Variants in TACC1 observed in about 807,000 individuals in gnomAD.
TACC1 encodes the protein transforming acidic coiled-coil-containing protein 1.
Under a neutral mutation model 84.4 loss-of-function variants are expected in TACC1, and 48 were observed. That is an observed-to-expected ratio of 0.57 (90% confidence interval 0.45 to 0.72). The LOEUF (loss-of-function observed/expected upper bound fraction) is 0.72. Among genes scored for constraint, TACC1 ranks in the 30% least tolerant of loss-of-function variants. The pLI is 0.00. For synonymous variants in TACC1, 372 were observed against 376.3 expected (o/e 0.99, Z 0.13); for missense variants, 920 against 973.0 (o/e 0.95, Z 0.72).
At chr8:38,755,159 C>CAAAAAAAAAAAAA (rs35992046) in intron 3 of TACC1, among the ~76,000 whole-genome samples, 2 of 72,350 alleles carry the variant, frequency 2.8e-5, no homozygotes, top group Non-Finnish European at 5.3e-5. Context: ...GACTCCATCT[C>CAAAAAAAAAAAAA]AAAAAAAAAA....
At chr8:38,772,983 A>G (rs1416335517) in intron 3 of TACC1, among the ~76,000 whole-genome samples, 2 of 152,190 alleles carry the variant, frequency 1.3e-5, no homozygotes, top group Non-Finnish European at 2.9e-5. Context: ...TGTTGTATTA[A>G]TACTTAACCT....
upstream of TACC1, among the ~76,000 whole-genome samples, chr8:38,786,870 T>TA (rs1817266006): frequency 6.6e-6 from 1 of 151,544 alleles, no homozygotes; most frequent in Non-Finnish European, 1.5e-5. Context: ...TGCAGTCCAA[T>TA]ATCACCATCG....
upstream of TACC1, among the ~76,000 whole-genome samples, chr8:38,785,092 C>G (rs1256558902): frequency 7.6e-6 from 1 of 131,078 alleles, no homozygotes; most frequent in Non-Finnish European, 1.6e-5. Context: ...GAGCTAAGTG[C>G]TGAAGGACGT....
chr8:38,827,001 T>C (rs1828220019), intron 4 of TACC1, among the ~76,000 whole-genome samples, 167 bp from the exon 5 acceptor site: 1 of 152,224 alleles, frequency 6.6e-6, no homozygotes, highest in South Asian at 2.1e-4. Flanking sequence ...AAACAGCATC[T>C]CACAATTGAA....
At chr8:38,844,196 G>A (rs906654298) in intron 11 of TACC1, among the ~76,000 whole-genome samples, 5 of 151,794 alleles carry the variant, frequency 3.3e-5, no homozygotes, top group Non-Finnish European at 5.9e-5. Context: ...TTTTTGAGAC[G>A]GAGTTTCTCT....
At position 38,851,657 on chromosome 8, in the gene TACC1, A is replaced by T. The variant is rs549553285; in HGVS notation, c.*3634A>T. ...CTCTGACTGTTGTCTCTTTGTGGTC[A>T]TGTGATTGTGAGCTTGCTTTCTGAC... is the stretch of plus-strand genomic sequence containing the variant. On this transcript the variant is annotated 3_prime_UTR_variant, in exon 13 of 13. Coordinates refer to ENST00000317827, the MANE Select transcript of TACC1 (RefSeq NM_006283.3). The T allele has an allele frequency of 2.6e-4, 74 of 283,836 alleles. No homozygotes were observed. Among genetic ancestry groups the T allele is most frequent in the Non-Finnish European group, 4.7e-4 (66 of 140,066 alleles). 17.6% of individuals were successfully genotyped at this position (283,836 alleles called of 1,614,324 possible).
chr8:38,810,810 A>G (rs144076561), intron 2 of TACC1, among the ~76,000 whole-genome samples: 1 of 152,080 alleles, frequency 6.6e-6, no homozygotes, highest in Admixed American at 6.5e-5. Flanking sequence ...CTTATTCAAC[A>G]TCTCTGCTTC....
chr8:38,732,321 TC>T (rs1369428624), intron 1 of TACC1, among the ~76,000 whole-genome samples: 1 of 151,950 alleles, frequency 6.6e-6, no homozygotes, highest in Admixed American at 6.6e-5. Context: ...GTTTTTTTTT[TC>T]AATGCCATCT....
intron 1 of TACC1, among the ~76,000 whole-genome samples, chr8:38,737,503 A>C (rs1806195191): frequency 6.6e-6 from 1 of 152,118 alleles, no homozygotes; most frequent in South Asian, 2.1e-4. Flanking sequence ...GGGGAGCAGC[A>C]GTGCTTAGTG....
chr8:38,819,510 G>T lies in TACC1; in HGVS notation c.278-12G>T. On this transcript the variant is annotated splice_polypyrimidine_tract_variant and intron_variant, in intron 2 of 12. Coordinates refer to ENST00000317827, the MANE Select transcript of TACC1 (RefSeq NM_006283.3). ...TAATTCTTTAATAGATGGTTTTTGT[G>T]TTTCATTTTAGAATCACAAGAAGCT... is the stretch of plus-strand genomic sequence containing the variant. The T allele has an allele frequency of 6.3e-7, 1 of 1,590,576 alleles. No homozygotes were observed. Among genetic ancestry groups the T allele is most frequent in the African/African-American group, 1.4e-5 (1 of 73,762 alleles).
chr8:38,741,843 A>T (rs958372439), intron 1 of TACC1, among the ~76,000 whole-genome samples: 4 of 152,212 alleles, frequency 2.6e-5, no homozygotes, highest in Non-Finnish European at 5.9e-5. Context: ...GGTAGACTCT[A>T]TCTCTGCCAG....
At chr8:38,769,301 T>C (rs1812967581) in intron 3 of TACC1, among the ~76,000 whole-genome samples, 1 of 140,516 alleles carries the variant, frequency 7.1e-6, no homozygotes, top group South Asian at 2.4e-4. Context: ...TGTAAGACTG[T>C]GTATGGTGGG....
Position 38,819,572 on chromosome 8 carries a change from T to G in TACC1, c.328T>G (p.Ser110Ala). 1 of 1,613,550 alleles carries G rather than the reference T, an allele frequency of 6.2e-7. No homozygotes were observed. Among genetic ancestry groups the G allele is most frequent in the Non-Finnish European group, 8.5e-7 (1 of 1,179,494 alleles). ...QLVAEVVEKC[S>A]SKTCSKPSEN... Reference sequence around the variant, plus strand: ...TGTAGCAGAAGTGGTTGAAAAATGTTCATCTAAGACTTGTTCTAAACCTTC... The same window carrying G: ...TGTAGCAGAAGTGGTTGAAAAATGTGCATCTAAGACTTGTTCTAAACCTTC... Residue 110 changes from serine to alanine, a missense_variant, in exon 3 of 13, where the codon TCA becomes GCA. Ser to Ala is a moderately conservative substitution (Grantham distance 99, BLOSUM62 1). This residue lies in a region of TACC1 where 762 missense variants were observed against 747.3 expected (regional missense o/e 1.02). Transcript: ENST00000317827.
At chr8:38,812,513 C>CCCTTGCAAATGAA (rs1824453122) in intron 2 of TACC1, among the ~76,000 whole-genome samples, 2 of 152,186 alleles carry the variant, frequency 1.3e-5, no homozygotes, top group African/African-American at 4.8e-5. Flanking sequence ...TCCCCCAATA[C>CCCTTGCAAATGAA]TTCCTATTCA....
chr8:38,846,495 A>T, intron 11 of TACC1: 1 of 519,042 alleles, frequency 1.9e-6, no homozygotes. Context: ...GTGAGATACA[A>T]ATTTTGAAGT....
intron 2 of TACC1, among the ~76,000 whole-genome samples, chr8:38,743,292 T>TTGAATGAA (rs3076913): frequency 0.054 from 8,139 of 151,018 alleles, 279 homozygotes; most frequent in Non-Finnish European, 0.082. Flanking sequence ...TATATATTTG[T>TTGAATGAA]TGAATGAATG....
intron 6 of TACC1, among the ~76,000 whole-genome samples, chr8:38,835,582 G>T (rs1005404898): frequency 1.3e-5 from 2 of 152,234 alleles, no homozygotes; most frequent in African/African-American, 4.8e-5. Flanking sequence ...AGGTCGCTGC[G>T]GAGCAGCGGA....
At chr8:38,802,106 C>T (rs1411524264) in intron 2 of TACC1, 1 of 152,228 alleles carries the variant, frequency 6.6e-6, no homozygotes, top group Non-Finnish European at 1.5e-5. Flanking sequence ...GAGAGGGTTT[C>T]CCTATGGTGC....
upstream of TACC1, among the ~76,000 whole-genome samples, chr8:38,784,482 C>T (rs183193494): frequency 6.8e-4 from 104 of 151,920 alleles, no homozygotes; most frequent in African/African-American, 2.4e-3. Context: ...CAGGGAGAAT[C>T]GCTTGAACCC....
Sources: gnomAD v4.1 joint callset for allele counts (sites outside exome capture counted in the v4.1 genomes callset) on GRCh38, gnomAD v4.1.1 for gene constraint, gnomAD v4.1.1 regional missense constraint, MANE v1.5 for transcripts, NCBI Gene and HGNC (gene_info 2026-07-23, HGNC 2026-07-21) for gene names.